AFF2: variants seen among roughly 807,000 people sequenced by gnomAD.
AFF2 encodes the protein ALF transcription elongation factor 2.
Under a neutral mutation model 76.9 loss-of-function variants are expected in AFF2, and 14 were observed. The observed-to-expected ratio is 0.18, with a 90% CI of 0.12 to 0.28. The LOEUF (loss-of-function observed/expected upper bound fraction) is 0.28, where lower values mean the gene tolerates loss of function less well. Among genes scored for constraint, AFF2 ranks in the 10% least tolerant of loss-of-function variants. The pLI, the probability that AFF2 is intolerant of heterozygous loss-of-function variation, is 1.00. For synonymous variants in AFF2, 398 were observed against 366.7 expected, an observed-to-expected ratio of 1.09 and a Z score of -0.98; for missense variants, 868 against 1,001.1, an observed-to-expected ratio of 0.87 and a Z score of 1.79.
At chrX:148,653,302 T>C (rs181169734) in intron 2 of AFF2, among the ~76,000 whole-genome samples, 47 of 112,298 alleles carry the variant, frequency 4.2e-4, no homozygotes, top group African/African-American at 1.5e-3. Flanking sequence ...TTTAGATATA[T>C]AATTGGTTTA....
chrX:148,649,932 A>T (rs1321552049), intron 1 of AFF2, among the ~76,000 whole-genome samples: 1 of 111,763 alleles, frequency 8.9e-6, no homozygotes, highest in South Asian at 3.7e-4. Context: ...GATAGCTAGA[A>T]AACTGACATC....
chrX:148,784,791 A>G (rs1369741903), intron 3 of AFF2, among the ~76,000 whole-genome samples: 2 of 111,555 alleles, frequency 1.8e-5, no homozygotes, highest in African/African-American at 6.5e-5. Flanking sequence ...TTGTGTATGT[A>G]ATTGTGTTAA....
rs781923309 is a variant in AFF2, at chrX:148,997,284, T to TACACACACACACAC, written c.*5955_*5968dup. The TACACACACACACAC allele has an allele frequency of 7.0e-4, 75 of 106,439 alleles. No individual in the cohort carries two copies. The highest frequency in any genetic ancestry group is 2.7e-3 in the African/African-American group (74 of 26,914). 8.8% of individuals were successfully genotyped at this position (106,439 alleles called of 1,213,427 possible). A position where few individuals can be genotyped will look rare whatever the true frequency, so the allele number is the denominator to read the frequency against. ...AGTATATAATGAGGCTTTCATTAAA[T>TACACACACACACAC]ACACACACACACACACTCACACACA... is the stretch of plus-strand genomic sequence containing the variant. On this transcript the variant is annotated 3_prime_UTR_variant, in exon 21 of 21. Coordinates refer to ENST00000370460, the MANE Select transcript of AFF2 (RefSeq NM_002025.4).
At chrX:148,911,107 G>A (rs1346462566) in intron 9 of AFF2, among the ~76,000 whole-genome samples, 1 of 110,026 alleles carries the variant, frequency 9.1e-6, no homozygotes, top group Non-Finnish European at 1.9e-5. Flanking sequence ...GTATGTGTGT[G>A]TGTGTGTGTT....
chrX:148,863,663 G>A (rs1323215316), intron 7 of AFF2, among the ~76,000 whole-genome samples: 2 of 111,262 alleles, frequency 1.8e-5, no homozygotes, highest in Non-Finnish European at 3.8e-5. Flanking sequence ...ACCAAGAGTA[G>A]GTAGAGATAC....
chrX:148,684,578 A>G (rs1246339450), intron 3 of AFF2, among the ~76,000 whole-genome samples: 4 of 112,441 alleles, frequency 3.6e-5, no homozygotes, highest in African/African-American at 1.3e-4. Flanking sequence ...TATAAGCACA[A>G]GTTTCTGTAA....
At chrX:148,940,564 T>C (rs2071821735) in intron 9 of AFF2, among the ~76,000 whole-genome samples, 1 of 112,061 alleles carries the variant, frequency 8.9e-6, no homozygotes, top group Non-Finnish European at 1.9e-5. Context: ...CCTGCCTGTT[T>C]GTCATCATCA....
chrX:148,646,629 C>A (rs184105668), intron 1 of AFF2, among the ~76,000 whole-genome samples: 3 of 112,437 alleles, frequency 2.7e-5, no homozygotes, highest in African/African-American at 9.7e-5. Flanking sequence ...GGGCAGCTGT[C>A]TAGAGCTAAA....
intron 1 of AFF2, among the ~76,000 whole-genome samples, chrX:148,561,914 C>G (rs1373882328): frequency 9.0e-6 from 1 of 111,223 alleles, no homozygotes; most frequent in African/African-American, 3.3e-5. Flanking sequence ...GCAAGTTATA[C>G]AATATTCATG....
chrX:148,708,152 G>C (rs1285363391), intron 3 of AFF2, among the ~76,000 whole-genome samples: 1 of 111,549 alleles, frequency 9.0e-6, no homozygotes, highest in Admixed American at 9.6e-5. Flanking sequence ...AAAATGTTCT[G>C]GTAATTGGAT....
intron 4 of AFF2, among the ~76,000 whole-genome samples, chrX:148,828,660 C>T (rs782600748): frequency 8.9e-6 from 1 of 112,128 alleles, no homozygotes; most frequent in Admixed American, 9.5e-5. Flanking sequence ...TTGAATTCTG[C>T]CCAGTATATC....
intron 3 of AFF2, among the ~76,000 whole-genome samples, chrX:148,798,417 C>G (rs2070014559): frequency 1.8e-5 from 2 of 112,363 alleles, no homozygotes; most frequent in South Asian, 7.4e-4. Flanking sequence ...TTATCATGTA[C>G]TGCATTTTAC....
intron 1 of AFF2, among the ~76,000 whole-genome samples, chrX:148,640,140 G>C (rs139034894): frequency 5.8e-4 from 65 of 112,482 alleles, no homozygotes; most frequent in African/African-American, 2.0e-3. Flanking sequence ...TACTATCACT[G>C]ATATCATTTA....
intron 3 of AFF2, among the ~76,000 whole-genome samples, chrX:148,742,270 A>G (rs2055365251): frequency 8.9e-6 from 1 of 112,343 alleles, no homozygotes; most frequent in Non-Finnish European, 1.9e-5. Flanking sequence ...ATATTAAAAT[A>G]CAAATCATAA....
At chrX:148,585,065 A>G (rs1444712681) in intron 1 of AFF2, among the ~76,000 whole-genome samples, 1 of 112,164 alleles carries the variant, frequency 8.9e-6, no homozygotes, top group Admixed American at 9.4e-5. Context: ...CCTGCTTCCA[A>G]GGAAGCCCTG....
chrX:148,665,225 T>G (rs1384879565), intron 3 of AFF2, among the ~76,000 whole-genome samples: 1 of 112,079 alleles, frequency 8.9e-6, no homozygotes, highest in African/African-American at 3.2e-5. Context: ...GATTCAGAAA[T>G]GACTTCATGC....
intron 7 of AFF2, among the ~76,000 whole-genome samples, chrX:148,844,010 T>A (rs2070635543): frequency 8.9e-6 from 1 of 112,277 alleles, no homozygotes; most frequent in Admixed American, 9.4e-5. Flanking sequence ...CATTAAGTTC[T>A]CTAAGTTTGT....
rs569303027 is a variant in AFF2 at position 148,814,322 on chromosome X, C to T, written c.1086+4402C>T. ...ATGCTACTAGCTAAGGATGGATGCT[C>T]AATGATTATTTGTTCTACAGTAGTA... is the stretch of plus-strand genomic sequence containing the variant. On this transcript the variant is annotated intron_variant, in intron 4 of 20. Transcript: ENST00000370460. Among the ~76,000 whole-genome samples the T allele has an allele frequency of 3.6e-5, 4 of 111,554 alleles. No homozygotes were observed. In the East Asian group the frequency reaches 8.5e-4, roughly 24 times the overall value.
Position 148,662,353 on chromosome X carries a change from T to C in AFF2, c.626T>C (p.Val209Ala), listed in dbSNP as rs186434773. The C allele has an allele frequency of 4.1e-6, 5 of 1,210,286 alleles. No individual in the cohort carries two copies. Among genetic ancestry groups the C allele is most frequent in the African/African-American group, 3.5e-5 (2 of 57,298 alleles). ...YPAEQPQIGE[V>A]EESNPSAKED... is the part of the protein sequence containing the mutation. ...GCTGAACAGCCCCAGATTGGAGAAG[T>C]TGAAGAGTCAAACCCATCTGCAAAG... Residue 209 changes from valine to alanine, a missense_variant, in exon 3 of 21, where the codon GTT (valine) becomes GCT (alanine). Physicochemically the swap from Val to Ala is moderately conservative, Grantham distance 64 (BLOSUM62 0). Coordinates refer to ENST00000370460, the MANE Select transcript of AFF2 (RefSeq NM_002025.4).
Sources: allele counts gnomAD v4.1 joint callset (sites outside exome capture counted in the v4.1 genomes callset), GRCh38; gene constraint gnomAD v4.1.1; transcripts MANE v1.5; gene names NCBI Gene and HGNC (gene_info 2026-07-23, HGNC 2026-07-21).